Variants in CACNA1A observed in about 807,000 individuals in gnomAD.
CACNA1A encodes the protein calcium voltage-gated channel subunit alpha1 A.
A neutral mutation model predicts 262.4 loss-of-function variants in CACNA1A; 57 were observed. The observed-to-expected ratio is 0.22, with a 90% CI of 0.18 to 0.27. The LOEUF (loss-of-function observed/expected upper bound fraction) is 0.27. Ranked by LOEUF, CACNA1A falls within the 10% of genes least tolerant of loss-of-function variation. The probability of loss-of-function intolerance (pLI) is 1.00; values close to 1 mark genes in which losing one functional copy is unlikely to be tolerated. For missense variants in CACNA1A, 2,526 were observed against 3,562.8 expected, an observed-to-expected ratio of 0.71 and a Z score of 7.41; for synonymous variants, 1,431 against 1,419.3, an observed-to-expected ratio of 1.01 and a Z score of -0.18.
At position 13,255,722 on chromosome 19, in the gene CACNA1A, T is replaced by TCC. The variant is rs1568466331; in HGVS notation, c.4591-464_4591-463insGG. Among the ~76,000 whole-genome samples the TCC allele has an allele frequency of 1.4e-3, 119 of 84,670 alleles. 1 individual carries two copies. Among genetic ancestry groups the TCC allele is most frequent in the African/African-American group, 5.6e-3 (116 of 20,688 alleles). 55.5% of individuals were successfully genotyped at this position (84,670 alleles called of 152,430 possible). On this transcript the variant is annotated intron_variant, in intron 28 of 46. Transcript: ENST00000360228. The stretch of plus-strand genomic sequence containing the variant: ...CTCCTTCCTTCCCTCCCTCCCTCCT[T>TCC]CTCTCCCTCCCTCCTTCCCTCCCTC...
chr19:13,291,280 G>T, intron 19 of CACNA1A, among the ~76,000 whole-genome samples: 1 of 152,002 alleles, frequency 6.6e-6, no homozygotes, highest in East Asian at 1.9e-4. Context: ...ATTATGTGGG[G>T]GTGATAATAA....
chr19:13,235,352 C>G, intron 32 of CACNA1A, 78 bp from the exon 33 acceptor site: 2 of 1,359,214 alleles, frequency 1.5e-6, no homozygotes, highest in Non-Finnish European at 2.1e-6. Context: ...TCCCAGTGCT[C>G]TGCCCCACTG....
chr19:13,230,278 G>T, intron 35 of CACNA1A, 69 bp from the exon 36 acceptor site: 1 of 1,560,462 alleles, frequency 6.4e-7, no homozygotes, highest in Non-Finnish European at 8.8e-7. Context: ...TGAGTGAGAA[G>T]GATACAGACA....
At chr19:13,301,789 G>A (rs1337061034) in intron 17 of CACNA1A, among the ~76,000 whole-genome samples, 1 of 152,178 alleles carries the variant, frequency 6.6e-6, no homozygotes, top group Non-Finnish European at 1.5e-5. Flanking sequence ...CTGGAACGGG[G>A]AGCAACCTTA....
chr19:13,487,494 C>T (rs962236740), intron 1 of CACNA1A, among the ~76,000 whole-genome samples: 24 of 152,016 alleles, frequency 1.6e-4, no homozygotes, highest in African/African-American at 3.6e-4. Context: ...GCTGGGGGAG[C>T]GGGGAGAGAC....
At chr19:13,487,417 G>A (rs548433241) in intron 1 of CACNA1A, among the ~76,000 whole-genome samples, 1 of 152,150 alleles carries the variant, frequency 6.6e-6, no homozygotes, top group East Asian at 1.9e-4. Flanking sequence ...CAGGGAAGGC[G>A]AGTTCAAAAA....
chr19:13,488,916 A>G (rs1376412489), intron 1 of CACNA1A, among the ~76,000 whole-genome samples: 1 of 151,836 alleles, frequency 6.6e-6, no homozygotes, highest in African/African-American at 2.4e-5. Context: ...CACAGTGGTC[A>G]CTAAGCCACA....
At position 13,244,904 on chromosome 19, in the gene CACNA1A, A is replaced by G. The variant is rs528268325; in HGVS notation, c.4950+278T>C. On this transcript the variant is annotated intron_variant, in intron 31 of 46. Transcript: ENST00000360228. Reference sequence around the variant, plus strand: ...GTGTCTCAGTTCCCTCAGTGTACTCATCTGCATTATTAATTCCTAGGCCAG... The same window carrying G: ...GTGTCTCAGTTCCCTCAGTGTACTCGTCTGCATTATTAATTCCTAGGCCAG... 8 of 490,476 alleles carry G rather than the reference A, an allele frequency of 1.6e-5. No individual in the cohort carries two copies. In the East Asian group the frequency reaches 1.6e-4, roughly 10 times the overall value. The allele number at this position is 490,476 out of a possible 1,614,324, so 30.4% of individuals were successfully genotyped here.
chr19:13,234,166 G>A (rs2055778721), intron 34 of CACNA1A, among the ~76,000 whole-genome samples: 1 of 151,460 alleles, frequency 6.6e-6, no homozygotes, highest in Non-Finnish European at 1.5e-5. Flanking sequence ...TGGCTAACAT[G>A]GTGAAACCCC....
chr19:13,380,373 C>T (rs1240714785), intron 3 of CACNA1A, among the ~76,000 whole-genome samples: 2 of 150,004 alleles, frequency 1.3e-5, no homozygotes, highest in Non-Finnish European at 3.0e-5. Flanking sequence ...TAGCCAGGCG[C>T]GGTGGCTCAT....
chr19:13,442,256 C>T (rs2060735591), intron 3 of CACNA1A, among the ~76,000 whole-genome samples: 1 of 152,118 alleles, frequency 6.6e-6, no homozygotes, highest in Admixed American at 6.6e-5. Context: ...TTTATGTGAA[C>T]AACTAGGATT....
At position 13,286,818 on chromosome 19, in the gene CACNA1A, C is replaced by T. The variant is rs577581172; in HGVS notation, c.3238G>A (p.Ala1080Thr). The T allele has an allele frequency of 1.2e-5, 20 of 1,613,344 alleles. No individual in the cohort carries two copies. The highest frequency in any genetic ancestry group is 1.1e-4 in the South Asian group (10 of 91,032). The change falls in exon 20 of 47, where the codon GCT becomes ACT. Residue 1080 changes from alanine to threonine, a missense_variant. Transcript: ENST00000360228. ...NNKLATAESA[A>T]PHGSLGHAGL... ...GCGTGGCCAAGGCTGCCGTGGGGAG[C>T]GGCCGACTCCGCGGTGGCCAGCTTG... is the stretch of plus-strand genomic sequence containing the variant.
Position 13,257,341 on chromosome 19 carries a change from A to G in CACNA1A, c.4590+9T>C, listed in dbSNP as rs2056599781. On this transcript the variant is annotated intron_variant, in intron 28 of 46. Transcript: ENST00000360228. Reference sequence around the variant, plus strand: ...GTTTTTAAAGGACAGATGGAATTGGAAGTGGCACCTCATTTTTCTCCAGGC... The same window carrying G: ...GTTTTTAAAGGACAGATGGAATTGGGAGTGGCACCTCATTTTTCTCCAGGC... The G allele has an allele frequency of 4.3e-6, 7 of 1,610,664 alleles. No individual in the cohort carries two copies. The highest frequency in any genetic ancestry group is 5.1e-6 in the Non-Finnish European group (6 of 1,177,074).
In CACNA1A at chr19:13,358,836, G is replaced by A. The variant is rs534697629; in HGVS notation, c.978+770C>T. On this transcript the variant is annotated intron_variant, in intron 6 of 46. Coordinates refer to ENST00000360228, the MANE Select transcript of CACNA1A (RefSeq NM_001127222.2). ...TATACCTTCCTTTACACTTTGGAAG[G>A]TCAGGGTGGAATTTAGAATCCGGAT... is the stretch of plus-strand genomic sequence containing the variant. Among the ~76,000 whole-genome samples, 8 of 152,336 alleles carry A rather than the reference G, an allele frequency of 5.3e-5. No individual in the cohort carries two copies. In the South Asian group the frequency reaches 1.4e-3, roughly 28 times the overall value.
At chr19:13,260,006 C>A in intron 26 of CACNA1A, 1 of 275,412 alleles carries the variant, frequency 3.6e-6, no homozygotes, top group Non-Finnish European at 7.1e-6. Flanking sequence ...GAGCCTCAGG[C>A]TTGCTGGGGG....
intron 4 of CACNA1A, chr19:13,365,670 GTT>G: frequency 6.5e-6 from 3 of 460,318 alleles, no homozygotes; most frequent in South Asian, 7.4e-5. Flanking sequence ...CACTTCCTAG[GTT>G]TTTTTTTTCC....
intron 37 of CACNA1A, chr19:13,225,991 C>T (rs953643183): frequency 2.6e-5 from 4 of 151,986 alleles, no homozygotes; most frequent in Admixed American, 6.6e-5. Context: ...CACGCCCAGC[C>T]CCCGATTTGT....
chr19:13,303,673 ATCTGGGTC>A, intron 16 of CACNA1A, 60 bp from the exon 17 acceptor site: 1 of 1,576,594 alleles, frequency 6.3e-7, no homozygotes, highest in Non-Finnish European at 8.7e-7. Context: ...GGCCCTGGGT[ATCTGGGTC>A]TCTCAGTACC....
At chr19:13,255,990 T>C (rs1309205132) in intron 28 of CACNA1A, among the ~76,000 whole-genome samples, 8 of 127,230 alleles carry the variant, frequency 6.3e-5, no homozygotes, top group Admixed American at 3.2e-4. Flanking sequence ...CCCTCCCTCC[T>C]TCCTTTTTTT....
Sources: allele counts gnomAD v4.1 joint callset (sites outside exome capture counted in the v4.1 genomes callset), GRCh38; gene constraint gnomAD v4.1.1; transcripts MANE v1.5; gene names NCBI Gene and HGNC (gene_info 2026-07-23, HGNC 2026-07-21).